The following GIN1 variants were observed in gnomAD, a reference collection of about 807,000 sequenced individuals.
GIN1 encodes the protein gypsy retrotransposon integrase 1, also known as gypsy retrotransposon integrase-like protein 1.
GIN1 carries 41 observed loss-of-function variants against 51.4 expected under a neutral mutation model. The ratio of observed to expected loss-of-function variants is 0.80; its 90% CI spans 0.62 to 1.04. GIN1 has a LOEUF of 1.04. GIN1 is among the 50% of genes least tolerant of loss of function. The pLI is 0.00. For missense variants in GIN1, 610 were observed against 612.4 expected, an observed-to-expected ratio of 1.00 and a Z score of 0.04; for synonymous variants, 222 against 206.5, an observed-to-expected ratio of 1.07 and a Z score of -0.64.
chr5:103,115,002 T>C (rs1787992160), intron 1 of GIN1, among the ~76,000 whole-genome samples: 1 of 152,128 alleles, frequency 6.6e-6, no homozygotes, highest in African/African-American at 2.4e-5. Context: ...ACACAAGGAA[T>C]GAATGGAAAT....
chr5:103,112,798 C>A (rs777037430), intron 1 of GIN1, among the ~76,000 whole-genome samples: 3 of 152,004 alleles, frequency 2.0e-5, no homozygotes, highest in Non-Finnish European at 2.9e-5. Context: ...ATCCATATAA[C>A]CTTGAATTTG....
intron 4 of GIN1, among the ~76,000 whole-genome samples, chr5:103,101,078 C>T (rs1787560928): frequency 6.6e-6 from 1 of 152,112 alleles, no homozygotes; most frequent in South Asian, 2.1e-4. Context: ...AAATTAGGCA[C>T]AGTAAGAGGT....
chr5:103,099,292 T>C (rs1394544411), intron 4 of GIN1, among the ~76,000 whole-genome samples: 3 of 152,108 alleles, frequency 2.0e-5, no homozygotes, highest in Admixed American at 6.5e-5. Flanking sequence ...AATGTAGGCA[T>C]TGTGGCATGT....
At chr5:103,118,101 T>C (rs1554197584) in intron 1 of GIN1, among the ~76,000 whole-genome samples, 2 of 152,198 alleles carry the variant, frequency 1.3e-5, no homozygotes, top group African/African-American at 4.8e-5. Context: ...CTCAACTATT[T>C]GTGAATGAAT....
intron 1 of GIN1, among the ~76,000 whole-genome samples, chr5:103,110,125 A>T (rs1332439897): frequency 6.6e-6 from 1 of 152,118 alleles, no homozygotes; most frequent in African/African-American, 2.4e-5. Context: ...AAGATAAATA[A>T]CAATGATTCT....
At chr5:103,092,926 A>AC (rs1376940208) in intron 7 of GIN1, among the ~76,000 whole-genome samples, 1 of 124,158 alleles carries the variant, frequency 8.1e-6, no homozygotes, top group African/African-American at 3.1e-5. Flanking sequence ...AGCACGGGCA[A>AC]CCATGTAAGA....
intron 1 of GIN1, among the ~76,000 whole-genome samples, chr5:103,117,205 T>C (rs1347055865): frequency 3.3e-5 from 5 of 152,014 alleles, no homozygotes; most frequent in African/African-American, 1.2e-4. Context: ...TATTAAGGAT[T>C]GATAAGGAAC....
At chr5:103,112,340 G>C (rs1462361512) in intron 1 of GIN1, among the ~76,000 whole-genome samples, 1 of 152,168 alleles carries the variant, frequency 6.6e-6, no homozygotes, top group Non-Finnish European at 1.5e-5. Context: ...TAAAGGTGTA[G>C]TTATTTGACA....
intron 1 of GIN1, among the ~76,000 whole-genome samples, chr5:103,114,838 G>A (rs1787985681): frequency 6.6e-6 from 1 of 152,150 alleles, no homozygotes; most frequent in African/African-American, 2.4e-5. Context: ...AAAGCCAGAA[G>A]AGGTTCTGGT....
rs1322595173 is a variant in GIN1 at position 103,087,021 on chromosome 5, GGA to G, written c.*875_*876del. ...CAGGTCTTGCCCTGTCGCCCAGGCTGGAGAGCTGTGGCATGAGCGCGGCTCAC... is the reference window on the plus strand; with the variant it reads ...CAGGTCTTGCCCTGTCGCCCAGGCTGGAGCTGTGGCATGAGCGCGGCTCAC... On this transcript the variant is annotated 3_prime_UTR_variant, in exon 8 of 8. Transcript: ENST00000399004. The G allele has an allele frequency of 6.6e-6, 1 of 152,222 alleles. No homozygotes were observed. Among genetic ancestry groups the G allele is most frequent in the Non-Finnish European group, 1.5e-5 (1 of 68,040 alleles). 9.4% of individuals were successfully genotyped at this position (152,222 alleles called of 1,614,324 possible). A position where few individuals can be genotyped will look rare whatever the true frequency, so the allele number is the denominator to read the frequency against.
chr5:103,104,868 G>A, intron 3 of GIN1, 22 bp from the exon 4 acceptor site: 1 of 1,430,084 alleles, frequency 7.0e-7, no homozygotes, highest in Non-Finnish European at 9.6e-7. Context: ...ACACAATAAA[G>A]AAAACACATA....
Position 103,097,571 on chromosome 5 carries a change from A to G in GIN1, c.831+19T>C, listed in dbSNP as rs1554195263. 6.5e-7 allele frequency: 1 copy of G among 1,545,878 alleles called. No individual in the cohort carries two copies. The highest frequency in any genetic ancestry group is 1.1e-5 in the South Asian group (1 of 89,404). On this transcript the variant is annotated intron_variant, in intron 5 of 7. Transcript: ENST00000399004. ...AATAGTCATAACTCAGAAGTACAGA[A>G]TTATAAAAAGGCACATACCAAGTGA...
intron 7 of GIN1, among the ~76,000 whole-genome samples, chr5:103,091,289 A>C (rs1408135286): frequency 6.6e-6 from 1 of 152,204 alleles, no homozygotes; most frequent in African/African-American, 2.4e-5. Context: ...TGTACTTTTC[A>C]AAATGTGGCT....
intron 1 of GIN1, among the ~76,000 whole-genome samples, chr5:103,117,581 T>TATATACACACACACACACACACACAC (rs5870042): frequency 0.18 from 26,832 of 149,000 alleles, 2,878 homozygotes; most frequent in Non-Finnish European, 0.24. Context: ...GAAAAAAATA[T>TATATACACACACACACACACACACAC]ACACACACAC....
At chr5:103,101,570 T>C (rs1197151462) in intron 4 of GIN1, among the ~76,000 whole-genome samples, 3 of 152,192 alleles carry the variant, frequency 2.0e-5, no homozygotes, top group African/African-American at 7.2e-5. Context: ...TTGTGGTTGA[T>C]GATGGGTGTT....
intron 1 of GIN1, among the ~76,000 whole-genome samples, chr5:103,119,361 A>G (rs575828416): frequency 6.6e-6 from 1 of 152,342 alleles, no homozygotes; most frequent in African/African-American, 2.4e-5. Context: ...TGCAACGTCA[A>G]GGACCTGTAA....
intron 1 of GIN1, among the ~76,000 whole-genome samples, chr5:103,116,745 C>G (rs111677553): frequency 6.6e-6 from 1 of 151,896 alleles, no homozygotes; most frequent in African/African-American, 2.4e-5. Flanking sequence ...AACAAGAAAG[C>G]AAACAACCCA....
intron 7 of GIN1, among the ~76,000 whole-genome samples, chr5:103,090,922 C>T (rs1787220557): frequency 6.6e-6 from 1 of 152,052 alleles, no homozygotes; most frequent in African/African-American, 2.4e-5. Flanking sequence ...CACACACACA[C>T]ACACTCTTTT....
chr5:103,088,952 A>C (rs1787157986), intron 7 of GIN1, among the ~76,000 whole-genome samples: 1 of 152,220 alleles, frequency 6.6e-6, no homozygotes, highest in Non-Finnish European at 1.5e-5. Flanking sequence ...TCTTTATAAA[A>C]CCCATATTGG....
Sources: allele counts gnomAD v4.1 joint callset (sites outside exome capture counted in the v4.1 genomes callset), GRCh38; gene constraint gnomAD v4.1.1; transcripts MANE v1.5; gene names NCBI Gene and HGNC (gene_info 2026-07-23, HGNC 2026-07-21).